PTPRR: variants seen among roughly 807,000 people sequenced by gnomAD.
The protein encoded by PTPRR is receptor-type tyrosine-protein phosphatase R.
Under a neutral mutation model 77.2 loss-of-function variants are expected in PTPRR, and 38 were observed. That is an observed-to-expected ratio of 0.49 (90% CI 0.38 to 0.65). The LOEUF (loss-of-function observed/expected upper bound fraction) is 0.65. Ranked by LOEUF, PTPRR falls within the 30% of genes least tolerant of loss-of-function variation. The pLI, the probability that PTPRR is intolerant of heterozygous loss-of-function variation, is 0.00. For synonymous variants in PTPRR, 299 were observed against 283.1 expected, an observed-to-expected ratio of 1.06 and a Z score of -0.57; for missense variants, 744 against 799.2, an observed-to-expected ratio of 0.93 and a Z score of 0.83.
At chr12:70,786,009 T>C (rs527889843) in intron 2 of PTPRR, among the ~76,000 whole-genome samples, 1 of 152,300 alleles carries the variant, frequency 6.6e-6, no homozygotes, top group African/African-American at 2.4e-5. Context: ...CCTTCAGTAT[T>C]TCTCATGCTG....
At position 70,727,805 on chromosome 12, in the gene PTPRR, T is replaced by C. The variant is rs1049559865; in HGVS notation, c.1007+18013A>G. On this transcript the variant is annotated intron_variant, in intron 6 of 13. Coordinates refer to ENST00000283228, the MANE Select transcript of PTPRR (RefSeq NM_002849.4). ...TGTACTTGAACATCACATGATCTAC[T>C]TCACCCTCAGGTCTTTGATTTCACT... Among the ~76,000 whole-genome samples the C allele has an allele frequency of 7.3e-4, 111 of 152,348 alleles. 1 individual carries two copies. The highest frequency in any genetic ancestry group is 2.6e-3 in the African/African-American group (108 of 41,584).
intron 10 of PTPRR, among the ~76,000 whole-genome samples, chr12:70,664,019 A>G (rs1035775283): frequency 2.0e-5 from 3 of 152,228 alleles, no homozygotes; most frequent in Non-Finnish European, 2.9e-5. Flanking sequence ...GCTAAGTACC[A>G]CTACTCTACA....
chr12:70,723,870 A>C (rs1209941238), intron 6 of PTPRR, among the ~76,000 whole-genome samples: 2 of 152,142 alleles, frequency 1.3e-5, no homozygotes, highest in African/African-American at 4.8e-5. Context: ...TTATTTACAG[A>C]AACTTGTTAA....
At chr12:70,733,836 T>C (rs1889771552) in intron 6 of PTPRR, among the ~76,000 whole-genome samples, 1 of 152,242 alleles carries the variant, frequency 6.6e-6, no homozygotes, top group Non-Finnish European at 1.5e-5. Context: ...GAGTAACTTG[T>C]GATTCTTCAC....
intron 4 of PTPRR, among the ~76,000 whole-genome samples, chr12:70,758,827 T>C (rs1355692380): frequency 6.6e-6 from 1 of 152,236 alleles, no homozygotes; most frequent in Non-Finnish European, 1.5e-5. Context: ...TTTGCCCTAT[T>C]AGTGCATAAA....
intron 12 of PTPRR, among the ~76,000 whole-genome samples, chr12:70,657,647 C>T (rs1431409230): frequency 6.6e-6 from 1 of 152,322 alleles, no homozygotes; most frequent in East Asian, 1.9e-4. Flanking sequence ...TTTGGACTTG[C>T]TTCAGTTCAA....
Position 70,663,575 on chromosome 12 carries a change from T to C in PTPRR, c.1498-970A>G, listed in dbSNP as rs575375334. Among the ~76,000 whole-genome samples, 4 of 152,302 alleles carry C rather than the reference T, an allele frequency of 2.6e-5. No homozygotes were observed. In the East Asian group the frequency reaches 7.7e-4, roughly 29 times the overall value. On this transcript the variant is annotated intron_variant, in intron 10 of 13. Transcript: ENST00000283228. ...ATTATTTTGGTATTATTATAGTCAG[T>C]TATCATTATTAAATAAAAATTGCAA...
intron 2 of PTPRR, among the ~76,000 whole-genome samples, chr12:70,811,105 T>TA (rs1199705258): frequency 6.6e-6 from 1 of 151,638 alleles, no homozygotes; most frequent in African/African-American, 2.4e-5. Context: ...AAACACAAGA[T>TA]AAAAAAAAGA....
chr12:70,881,693 T>C (rs1295270375), intron 2 of PTPRR, among the ~76,000 whole-genome samples: 4 of 152,236 alleles, frequency 2.6e-5, no homozygotes, highest in Non-Finnish European at 5.9e-5. Flanking sequence ...GGCTGGATTA[T>C]ATTTTCATCC....
At chr12:70,705,855 TC>T (rs1200604072) in intron 6 of PTPRR, among the ~76,000 whole-genome samples, 1 of 152,026 alleles carries the variant, frequency 6.6e-6, no homozygotes, top group East Asian at 1.9e-4. Flanking sequence ...GAAAATGTGA[TC>T]TTGAATCCTT....
chr12:70,883,831 G>A (rs531673982), intron 2 of PTPRR, among the ~76,000 whole-genome samples: 13 of 152,284 alleles, frequency 8.5e-5, no homozygotes, highest in African/African-American at 3.1e-4. Context: ...GAGTGGTCAA[G>A]ATTGCCAGAA....
intron 4 of PTPRR, among the ~76,000 whole-genome samples, chr12:70,756,322 T>C (rs1290243894): frequency 1.3e-5 from 2 of 152,094 alleles, no homozygotes; most frequent in African/African-American, 2.4e-5. Context: ...CACTGCACTT[T>C]CTTGGTAAAT....
In PTPRR at chr12:70,920,698, C is replaced by T; in HGVS notation, c.-308G>A. 1 of 327,770 alleles carries T rather than the reference C, an allele frequency of 3.1e-6. No individual in the cohort carries two copies. The highest frequency in any genetic ancestry group is 6.0e-6 in the Non-Finnish European group (1 of 167,142). 20.3% of individuals were successfully genotyped at this position (327,770 alleles called of 1,614,324 possible). A position where few individuals can be genotyped will look rare whatever the true frequency, so the allele number is the denominator to read the frequency against. ...GGAGACGGCAGGGTGGACTCCGCGC[C>T]AGCCCAGCAGCCCAGCAGCAGCGCC... On this transcript the variant is annotated 5_prime_UTR_variant, in exon 1 of 14. The change creates a premature stop within an existing upstream ORF in the 5' untranslated region. Coordinates refer to ENST00000283228, the MANE Select transcript of PTPRR (RefSeq NM_002849.4).
At chr12:70,866,237 A>C (rs1196727394) in intron 2 of PTPRR, among the ~76,000 whole-genome samples, 1 of 152,152 alleles carries the variant, frequency 6.6e-6, no homozygotes, top group Non-Finnish European at 1.5e-5. Context: ...AAAATTAATG[A>C]ATCCAGGAGG....
intron 6 of PTPRR, among the ~76,000 whole-genome samples, chr12:70,718,410 C>A (rs979737211): frequency 6.6e-6 from 1 of 152,038 alleles, no homozygotes; most frequent in Non-Finnish European, 1.5e-5. Context: ...GGATTACAGG[C>A]GTGTGCCACC....
chr12:70,784,691 A>G (rs35054320), intron 2 of PTPRR, among the ~76,000 whole-genome samples: 11,067 of 152,346 alleles, frequency 0.073, 581 homozygotes, highest in Non-Finnish European at 0.12. Context: ...AAAAAGTAAC[A>G]GTAAACTAGG....
intron 13 of PTPRR, among the ~76,000 whole-genome samples, chr12:70,646,620 A>G (rs527860451): frequency 9.2e-5 from 14 of 152,342 alleles, no homozygotes; most frequent in African/African-American, 2.9e-4. Flanking sequence ...TTGTGATCTC[A>G]GGAATTATAA....
chr12:70,868,021 T>C (rs986554891), intron 2 of PTPRR, among the ~76,000 whole-genome samples: 3 of 152,118 alleles, frequency 2.0e-5, no homozygotes, highest in Non-Finnish European at 4.4e-5. Flanking sequence ...CCTTACACCT[T>C]ATACAAAAAT....
At chr12:70,639,585 G>T in intron 13 of PTPRR, 1 of 968,248 alleles carries the variant, frequency 1.0e-6, no homozygotes, top group Non-Finnish European at 1.3e-6. Context: ...CATCAGCCAA[G>T]GTGAGTTCAA....
Sources: gnomAD v4.1 joint callset for allele counts (sites outside exome capture counted in the v4.1 genomes callset) on GRCh38, gnomAD v4.1.1 for gene constraint, MANE v1.5 for transcripts, NCBI Gene and HGNC (gene_info 2026-07-23, HGNC 2026-07-21) for gene names.